The following SEM1 variants were observed in gnomAD, a reference collection of about 807,000 sequenced individuals.
The protein encoded by SEM1 is 26S proteasome complex subunit SEM1.
In SEM1, 3 loss-of-function variants were observed where a neutral mutation model predicts 12.7. The ratio of observed to expected loss-of-function variants is 0.24; its 90% CI spans 0.11 to 0.61. SEM1 has a LOEUF of 0.61. Among genes scored for constraint, SEM1 ranks in the 20% least tolerant of loss-of-function variants. The probability of loss-of-function intolerance (pLI) is 0.88; values close to 1 mark genes in which losing one functional copy is unlikely to be tolerated. For synonymous variants in SEM1, 30 were observed against 27.8 expected, an observed-to-expected ratio of 1.08 and a Z score of -0.25; for missense variants, 59 against 81.3, an observed-to-expected ratio of 0.73 and a Z score of 1.06.
intron 2 of SEM1, among the ~76,000 whole-genome samples, chr7:96,596,951 AAAAAG>A (rs1386622469): frequency 2.0e-5 from 3 of 152,220 alleles, no homozygotes; most frequent in Admixed American, 1.3e-4. Flanking sequence ...TGCCATCTGA[AAAAAG>A]AAAGGAATCT....
intron 2 of SEM1, among the ~76,000 whole-genome samples, chr7:96,638,259 C>T (rs1448208138): frequency 2.0e-5 from 3 of 151,946 alleles, no homozygotes; most frequent in Non-Finnish European, 4.4e-5. Context: ...AGCTTCCACA[C>T]TCGCTTTGCT....
chr7:96,698,733 C>G (rs1790176077), intron 1 of SEM1, among the ~76,000 whole-genome samples: 1 of 152,146 alleles, frequency 6.6e-6, no homozygotes, highest in South Asian at 2.1e-4. Flanking sequence ...CATTCATGTG[C>G]ATGCGTCTTT....
chr7:96,540,151 C>G (rs1804901830), intron 2 of SEM1, among the ~76,000 whole-genome samples: 1 of 151,294 alleles, frequency 6.6e-6, no homozygotes, highest in African/African-American at 2.4e-5. Flanking sequence ...ATTGGCAGAT[C>G]AACTGAATGA....
At chr7:96,554,694 A>C (rs199699700) in intron 2 of SEM1, among the ~76,000 whole-genome samples, 2 of 151,040 alleles carry the variant, frequency 1.3e-5, no homozygotes, top group Non-Finnish European at 3.0e-5. Context: ...TTGGTATCAG[A>C]ATGATGCTGG....
At chr7:96,563,987 C>T (rs1416067083) in intron 2 of SEM1, among the ~76,000 whole-genome samples, 2 of 151,942 alleles carry the variant, frequency 1.3e-5, no homozygotes, top group Admixed American at 6.6e-5. Flanking sequence ...TTTTATTAGC[C>T]TCATGCAGTG....
chr7:96,688,890 C>G lies in SEM1; in HGVS notation c.*34G>C, dbSNP rs1245810204. 2.8e-6 allele frequency: 4 copies of G among 1,451,892 alleles called. No individual in the cohort carries two copies. Among genetic ancestry groups the G allele is most frequent in the African/African-American group, 1.4e-5 (1 of 71,702 alleles). The allele number at this position is 1,451,892 out of a possible 1,614,324, so 89.9% of individuals were successfully genotyped here. A position where few individuals can be genotyped will look rare whatever the true frequency, so the allele number is the denominator to read the frequency against. ...CTGCCCTAGAATGTATTAAGCAGGT[C>G]AAGTTTAGGTTACTTCAACACTTCT... On this transcript the variant is annotated 3_prime_UTR_variant, in exon 3 of 3. Coordinates refer to ENST00000248566, the MANE Select transcript of SEM1 (RefSeq NM_006304.2).
chr7:96,680,473 G>A (rs1224357438), intron 2 of SEM1, among the ~76,000 whole-genome samples: 2 of 152,050 alleles, frequency 1.3e-5, no homozygotes, highest in African/African-American at 2.4e-5. Flanking sequence ...GTAAACAGGG[G>A]TGTGCCGGCC....
intron 2 of SEM1, chr7:96,673,985 C>T (rs899581343): frequency 1.6e-6 from 1 of 634,244 alleles, no homozygotes; most frequent in Non-Finnish European, 2.9e-6. Flanking sequence ...CCAGTCCCAT[C>T]CCCATCTCTA....
intron 2 of SEM1, among the ~76,000 whole-genome samples, chr7:96,651,304 T>TAGA: frequency 6.6e-6 from 1 of 152,248 alleles, no homozygotes; most frequent in East Asian, 1.9e-4. Context: ...ATTAAAATTG[T>TAGA]AGAAGATATT....
In SEM1 at chr7:96,486,152, AT is replaced by A. The variant is rs533723306; in HGVS notation, c.227+50del. 3.1e-5 allele frequency: 44 copies of A among 1,397,002 alleles called. No individual in the cohort carries two copies. The East Asian group carries it at 6.2e-4, about 20-fold the overall frequency. The allele number at this position is 1,397,002 out of a possible 1,614,324, so 86.5% of individuals were successfully genotyped here. ...CTGGTGTCAAAGACTTAGAGAGTTAATTTTTTTTCTACCTTTTTTTTTTTTC... is the reference window on the plus strand; with the variant it reads ...CTGGTGTCAAAGACTTAGAGAGTTAATTTTTTTCTACCTTTTTTTTTTTTC... On this transcript the variant is annotated intron_variant, in intron 2 of 3. Transcript: ENST00000356686.
chr7:96,503,514 C>T (rs529863632), intron 3 of SEM1: 3 of 152,182 alleles, frequency 2.0e-5, no homozygotes, highest in South Asian at 2.1e-4. Context: ...GACTGCATAT[C>T]GTGAATTGCG....
chr7:96,517,943 A>G (rs1804147078), intron 2 of SEM1, among the ~76,000 whole-genome samples: 1 of 152,152 alleles, frequency 6.6e-6, no homozygotes, highest in Non-Finnish European at 1.5e-5. Context: ...GGAGAGGCAT[A>G]CTTGCATTCA....
intron 2 of SEM1, among the ~76,000 whole-genome samples, chr7:96,646,137 A>G (rs1017823372): frequency 6.6e-6 from 1 of 152,168 alleles, no homozygotes; most frequent in Non-Finnish European, 1.5e-5. Flanking sequence ...TATAGCCTGC[A>G]TGACAAATCC....
intron 2 of SEM1, among the ~76,000 whole-genome samples, chr7:96,562,152 C>A (rs777654390): frequency 4.6e-5 from 7 of 152,146 alleles, no homozygotes; most frequent in Non-Finnish European, 1.0e-4. Flanking sequence ...GGAAAGCCAT[C>A]TTTCTCTTGC....
intron 2 of SEM1, among the ~76,000 whole-genome samples, chr7:96,485,612 G>A (rs549176018): frequency 1.2e-4 from 16 of 130,844 alleles, no homozygotes; most frequent in African/African-American, 4.2e-4. Context: ...GTGCGATCTC[G>A]GCTCACTGCA....
At chr7:96,680,513 A>G (rs923822577) in intron 2 of SEM1, among the ~76,000 whole-genome samples, 3 of 152,100 alleles carry the variant, frequency 2.0e-5, no homozygotes, top group Admixed American at 6.6e-5. Flanking sequence ...AGAGTTTTAA[A>G]TGTGTTGTGC....
At chr7:96,493,478 C>A (rs1584703714) in intron 1 of SEM1, among the ~76,000 whole-genome samples, 2 of 152,184 alleles carry the variant, frequency 1.3e-5, no homozygotes, top group Middle Eastern at 3.4e-3. Flanking sequence ...TTGTTTATTT[C>A]TTCAAAGTAT....
intron 2 of SEM1, among the ~76,000 whole-genome samples, chr7:96,582,176 C>G (rs1806433238): frequency 6.6e-6 from 1 of 151,524 alleles, no homozygotes; most frequent in Non-Finnish European, 1.5e-5. Context: ...GAGTTTTTTG[C>G]ATGAAGGGTT....
At chr7:96,524,921 T>C (rs1804401618) in intron 2 of SEM1, among the ~76,000 whole-genome samples, 1 of 152,154 alleles carries the variant, frequency 6.6e-6, no homozygotes, top group East Asian at 1.9e-4. Context: ...TATCAGTTTT[T>C]CCATATCCAT....
Sources: allele counts gnomAD v4.1 joint callset (sites outside exome capture counted in the v4.1 genomes callset), GRCh38; gene constraint gnomAD v4.1.1; transcripts MANE v1.5; gene names NCBI Gene and HGNC (gene_info 2026-07-23, HGNC 2026-07-21).